Variants in LRRTM3 observed in about 807,000 individuals in gnomAD.
The protein encoded by LRRTM3 is leucine rich repeat transmembrane neuronal 3.
A neutral mutation model predicts 44.7 loss-of-function variants in LRRTM3; 24 were observed. The ratio of observed to expected loss-of-function variants is 0.54; its 90% CI spans 0.39 to 0.76. The LOEUF is 0.76. Ranked by LOEUF, LRRTM3 falls within the 30% of genes least tolerant of loss-of-function variation. LRRTM3 has a pLI of 0.00. For missense variants in LRRTM3, 587 were observed against 702.2 expected, an observed-to-expected ratio of 0.84 and a Z score of 1.85; for synonymous variants, 277 against 278.7, an observed-to-expected ratio of 0.99 and a Z score of 0.06.
intron 2 of LRRTM3, among the ~76,000 whole-genome samples, chr10:66,991,527 G>A (rs372608699): frequency 6.6e-6 from 1 of 152,070 alleles, no homozygotes; most frequent in South Asian, 2.1e-4. Flanking sequence ...AAAACATTTT[G>A]TAGACTCAGT....
chr10:67,012,778 G>T (rs1852420875), intron 2 of LRRTM3, among the ~76,000 whole-genome samples: 1 of 151,932 alleles, frequency 6.6e-6, no homozygotes, highest in Non-Finnish European at 1.5e-5. Flanking sequence ...ATTTTTGTTG[G>T]AATTCACGAG....
At chr10:66,962,557 G>A (rs183462258) in intron 2 of LRRTM3, among the ~76,000 whole-genome samples, 398 of 151,796 alleles carry the variant, frequency 2.6e-3, no homozygotes, top group Non-Finnish European at 4.2e-3. Context: ...TTACAGGCAC[G>A]TGCCACCACA....
intron 2 of LRRTM3, among the ~76,000 whole-genome samples, chr10:66,971,847 A>T (rs1436210691): frequency 1.3e-5 from 2 of 152,050 alleles, no homozygotes; most frequent in Admixed American, 6.5e-5. Context: ...TCTCTTTAAT[A>T]TTTCTCATTT....
At chr10:67,063,505 C>T (rs1381746720) in intron 2 of LRRTM3, among the ~76,000 whole-genome samples, 1 of 152,168 alleles carries the variant, frequency 6.6e-6, no homozygotes, top group Non-Finnish European at 1.5e-5. Context: ...CACGAACAGG[C>T]AGGTAATAGA....
chr10:67,101,178 G>A lies in LRRTM3; in HGVS notation c.*3382G>A, dbSNP rs1858315870. Among the ~76,000 whole-genome samples, 1 of 151,568 alleles carries A rather than the reference G, an allele frequency of 6.6e-6. No homozygotes were observed. The highest frequency in any genetic ancestry group is 2.1e-4 in the South Asian group (1 of 4,816). Reference sequence around the variant, plus strand: ...GCTCCCAAGATGTGGATGCATGTAGGCCCCGAGGTACAGACATAAAATCAA... The same window carrying A: ...GCTCCCAAGATGTGGATGCATGTAGACCCCGAGGTACAGACATAAAATCAA... On this transcript the variant is annotated 3_prime_UTR_variant, in exon 3 of 3. Coordinates refer to ENST00000361320, the MANE Select transcript of LRRTM3 (RefSeq NM_178011.5).
chr10:67,087,512 T>C lies in LRRTM3; in HGVS notation c.1537-10075T>C, dbSNP rs143825493. 8.6e-5 allele frequency among the ~76,000 whole-genome samples: 13 copies of C among 151,982 alleles called. No homozygotes were observed. In the East Asian group the frequency reaches 2.5e-3, roughly 29 times the overall value. On this transcript the variant is annotated intron_variant, in intron 2 of 2. Transcript: ENST00000361320. ...TTAGATACACAATTCATACCTTCTC[T>C]AATATAAATATATTAAAATAAGTTT...
chr10:67,034,084 T>C (rs1853896874), intron 2 of LRRTM3, among the ~76,000 whole-genome samples: 1 of 152,138 alleles, frequency 6.6e-6, no homozygotes. Flanking sequence ...TACTGCTTCT[T>C]AAAAGGAAAA....
chr10:66,948,725 T>G (rs527874427), intron 2 of LRRTM3, among the ~76,000 whole-genome samples: 7 of 152,304 alleles, frequency 4.6e-5, no homozygotes, highest in Admixed American at 4.6e-4. Flanking sequence ...TTGAACATAT[T>G]AAATGATAAC....
intron 2 of LRRTM3, among the ~76,000 whole-genome samples, chr10:66,951,028 T>G (rs1564789582): frequency 6.6e-6 from 1 of 152,074 alleles, no homozygotes; most frequent in Non-Finnish European, 1.5e-5. Flanking sequence ...GACAAGTCAT[T>G]TTGCCTTGCT....
At chr10:66,948,004 T>C (rs1197050237) in intron 2 of LRRTM3, among the ~76,000 whole-genome samples, 1 of 152,262 alleles carries the variant, frequency 6.6e-6, no homozygotes, top group Non-Finnish European at 1.5e-5. Flanking sequence ...AGCAAGTTAC[T>C]GTATAGAATG....
intron 2 of LRRTM3, among the ~76,000 whole-genome samples, chr10:67,080,471 C>T (rs1321956021): frequency 2.0e-5 from 3 of 152,112 alleles, no homozygotes; most frequent in African/African-American, 7.2e-5. Flanking sequence ...GTCCCAGCAT[C>T]GCAATACATC....
chr10:66,950,895 A>G (rs1404555222), intron 2 of LRRTM3, among the ~76,000 whole-genome samples: 1 of 152,134 alleles, frequency 6.6e-6, no homozygotes, highest in Non-Finnish European at 1.5e-5. Context: ...ATTGAGGTGT[A>G]ATCACATGAG....
intron 2 of LRRTM3, among the ~76,000 whole-genome samples, chr10:67,079,905 ACAC>A (rs1856961396): frequency 6.8e-6 from 1 of 146,268 alleles, no homozygotes; most frequent in South Asian, 2.2e-4. Flanking sequence ...ACACACACAC[ACAC>A]AAAGATAGTC....
intron 2 of LRRTM3, among the ~76,000 whole-genome samples, chr10:67,072,792 G>C (rs1207675620): frequency 6.6e-6 from 1 of 152,072 alleles, no homozygotes; most frequent in Non-Finnish European, 1.5e-5. Context: ...TCTTCAAAAA[G>C]AGTTCAATGG....
In LRRTM3 at chr10:67,009,606, C is replaced by T. The variant is rs545786659; in HGVS notation, c.1536+81154C>T. 5.3e-5 allele frequency among the ~76,000 whole-genome samples: 8 copies of T among 151,896 alleles called. No individual in the cohort carries two copies. The South Asian group carries it at 1.3e-3, about 24-fold the overall frequency. On this transcript the variant is annotated intron_variant, in intron 2 of 2. Transcript: ENST00000361320. ...AATGGGTAATTTTTATCCTAATCTT[C>T]CAATGTTTTTTGGGAAATTTCTCTT...
At chr10:67,005,682 C>CTTTTTTTTTTTTGTTT (rs1851928320) in intron 2 of LRRTM3, among the ~76,000 whole-genome samples, 2 of 61,976 alleles carry the variant, frequency 3.2e-5, no homozygotes, top group African/African-American at 1.1e-4. Context: ...TTTACTCCAT[C>CTTTTTTTTTTTTGTTT]TTTTTTTTTT....
At chr10:66,947,335 G>C (rs545192832) in intron 2 of LRRTM3, among the ~76,000 whole-genome samples, 68 of 152,256 alleles carry the variant, frequency 4.5e-4, no homozygotes, top group African/African-American at 1.6e-3. Context: ...CTAAGAAACA[G>C]AGCTATCACA....
At chr10:67,078,173 A>G (rs889032076) in intron 2 of LRRTM3, among the ~76,000 whole-genome samples, 1 of 152,182 alleles carries the variant, frequency 6.6e-6, no homozygotes, top group Non-Finnish European at 1.5e-5. Flanking sequence ...ATAAAAGAAC[A>G]CCACTTTTAG....
At chr10:67,058,970 C>G (rs7086100) in intron 2 of LRRTM3, among the ~76,000 whole-genome samples, 2,007 of 152,298 alleles carry the variant, frequency 0.013, 37 homozygotes, top group African/African-American at 0.039. Context: ...TTATTTTTAT[C>G]ATGACTAAAA....
Sources: gnomAD v4.1 joint callset for allele counts (sites outside exome capture counted in the v4.1 genomes callset) on GRCh38, gnomAD v4.1.1 for gene constraint, MANE v1.5 for transcripts, NCBI Gene and HGNC (gene_info 2026-07-23, HGNC 2026-07-21) for gene names.